RBFOX1: variants seen among roughly 807,000 people sequenced by gnomAD.
The protein encoded by RBFOX1 is RNA binding fox-1 homolog 1.
Under a neutral mutation model 57.7 loss-of-function variants are expected in RBFOX1, and 8 were observed. The ratio of observed to expected loss-of-function variants is 0.14; its 90% CI spans 0.08 to 0.25. The LOEUF (loss-of-function observed/expected upper bound fraction) is 0.25. Ranked by LOEUF, RBFOX1 falls within the 10% of genes least tolerant of loss-of-function variation. The pLI, the probability that RBFOX1 is intolerant of heterozygous loss-of-function variation, is 1.00. For synonymous variants in RBFOX1, 326 were observed against 222.4 expected, an observed-to-expected ratio of 1.47 and a Z score of -4.15; for missense variants, 611 against 548.5, an observed-to-expected ratio of 1.11 and a Z score of -1.14.
chr16:6,863,192 C>G (rs2059316398), intron 3 of RBFOX1, among the ~76,000 whole-genome samples: 1 of 152,042 alleles, frequency 6.6e-6, no homozygotes, highest in Non-Finnish European at 1.5e-5. Flanking sequence ...GCCTGAATTA[C>G]TTTTTGGAAT....
intron 4 of RBFOX1, among the ~76,000 whole-genome samples, chr16:7,316,346 T>C (rs1358723368): frequency 2.6e-5 from 4 of 152,236 alleles, no homozygotes; most frequent in Admixed American, 6.5e-5. Context: ...CTTCCTAACA[T>C]TGCATGATCT....
rs2097630859 is a variant in RBFOX1 at position 6,586,869 on chromosome 16, T to C, written c.-63-67734T>C. Among the ~76,000 whole-genome samples, 5 of 152,328 alleles carry C rather than the reference T, an allele frequency of 3.3e-5. No individual in the cohort carries two copies. The South Asian group carries it at 1.0e-3, about 32-fold the overall frequency. ...GGAAAAGGTTTCTTCAATGAGTCTT[T>C]AAAATATTTAACATTAAAAAATTGA... On this transcript the variant is annotated intron_variant, in intron 2 of 15. Coordinates refer to ENST00000550418, the MANE Select transcript of RBFOX1 (RefSeq NM_018723.4).
At chr16:6,166,747 CAT>C (rs1431312527) in intron 1 of RBFOX1, among the ~76,000 whole-genome samples, 2 of 152,054 alleles carry the variant, frequency 1.3e-5, no homozygotes, top group African/African-American at 4.8e-5. Flanking sequence ...GAGCCTCAGT[CAT>C]GTGCCCAGCC....
chr16:6,903,004 G>T (rs1374561472), intron 3 of RBFOX1, among the ~76,000 whole-genome samples: 1 of 152,158 alleles, frequency 6.6e-6, no homozygotes, highest in Non-Finnish European at 1.5e-5. Flanking sequence ...CACCATGATT[G>T]ATGTGTAACT....
At chr16:7,625,840 T>TATCA (rs2059993942) in intron 10 of RBFOX1, among the ~76,000 whole-genome samples, 1 of 152,230 alleles carries the variant, frequency 6.6e-6, no homozygotes, top group Admixed American at 6.5e-5. Flanking sequence ...CATGGCTGCC[T>TATCA]ATCAGAAACC....
chr16:6,744,601 C>G (rs967767776), intron 3 of RBFOX1, among the ~76,000 whole-genome samples: 10 of 151,726 alleles, frequency 6.6e-5, no homozygotes, highest in Non-Finnish European at 1.5e-4. Context: ...ACCTGTGGAT[C>G]GAAGAGAAAA....
intron 3 of RBFOX1, among the ~76,000 whole-genome samples, chr16:5,618,357 T>A (rs911686360): frequency 7.3e-5 from 11 of 151,482 alleles, no homozygotes; most frequent in Admixed American, 7.2e-4. Context: ...TGTGTGTGTG[T>A]GACAGAGTCT....
rs144950280 is a variant in RBFOX1 at position 6,671,241 on chromosome 16, G to A, written c.-16+16591G>A. 7.8e-3 allele frequency among the ~76,000 whole-genome samples: 1,180 copies of A among 152,230 alleles called. 16 individuals carry two copies. Among genetic ancestry groups the A allele is most frequent in the African/African-American group, 0.027 (1,127 of 41,544 alleles). On this transcript the variant is annotated intron_variant, in intron 3 of 15. Transcript: ENST00000550418. Reference sequence around the variant, plus strand: ...CAACAACCTAAATGCTTAATCTTAAGGTAATGGCTTCTTATGCTCAGCACA... The same window carrying A: ...CAACAACCTAAATGCTTAATCTTAAAGTAATGGCTTCTTATGCTCAGCACA...
rs2097530847 is a variant in RBFOX1 at position 6,239,828 on chromosome 16, TG to T, written c.-126-77166del. 5.9e-5 allele frequency among the ~76,000 whole-genome samples: 9 copies of T among 152,188 alleles called. No individual in the cohort carries two copies. In the South Asian group the frequency reaches 1.9e-3, roughly 32 times the overall value. On this transcript the variant is annotated intron_variant, in intron 1 of 15. Coordinates refer to ENST00000550418, the MANE Select transcript of RBFOX1 (RefSeq NM_018723.4). ...TGACTGTTAAAACATTTTCTTTTTT[TG>T]AATTGATACGACAGACTTTATTGAC... is the stretch of plus-strand genomic sequence containing the variant.
chr16:5,433,957 C>T (rs992858754), intron 1 of RBFOX1, among the ~76,000 whole-genome samples: 46 of 152,064 alleles, frequency 3.0e-4, no homozygotes, highest in African/African-American at 1.1e-3. Context: ...GCTGCATGTT[C>T]GAATCACCTG....
intron 4 of RBFOX1, among the ~76,000 whole-genome samples, chr16:7,171,397 C>G (rs1249563720): frequency 2.6e-5 from 4 of 152,176 alleles, no homozygotes; most frequent in Admixed American, 2.6e-4. Flanking sequence ...ATTCCTGCCA[C>G]CGCTAATGTC....
At chr16:7,039,803 C>T (rs576146260) in intron 3 of RBFOX1, among the ~76,000 whole-genome samples, 24 of 152,240 alleles carry the variant, frequency 1.6e-4, no homozygotes, top group African/African-American at 5.8e-4. Flanking sequence ...ACTCAGGTAT[C>T]TAATAAACAT....
intron 3 of RBFOX1, among the ~76,000 whole-genome samples, chr16:6,777,371 C>G (rs916777864): frequency 6.6e-6 from 1 of 151,822 alleles, no homozygotes; most frequent in Non-Finnish European, 1.5e-5. Context: ...TTTGTGTGTC[C>G]CTGAGAAAGA....
At chr16:6,353,065 A>G (rs1279785930) in intron 2 of RBFOX1, among the ~76,000 whole-genome samples, 1 of 152,110 alleles carries the variant, frequency 6.6e-6, no homozygotes, top group East Asian at 1.9e-4. Flanking sequence ...TTGCCTAAGT[A>G]ACTTCTTCTT....
chr16:7,461,423 C>G (rs182793665), intron 4 of RBFOX1, among the ~76,000 whole-genome samples: 1 of 152,106 alleles, frequency 6.6e-6, no homozygotes, highest in Non-Finnish European at 1.5e-5. Context: ...ACCTTAGCCT[C>G]CCAAAGTGCT....
chr16:7,036,039 T>C (rs999616298), intron 3 of RBFOX1, among the ~76,000 whole-genome samples: 2 of 152,142 alleles, frequency 1.3e-5, no homozygotes, highest in African/African-American at 4.8e-5. Context: ...TTTTGTAAAG[T>C]CATAGAAATC....
intron 3 of RBFOX1, among the ~76,000 whole-genome samples, chr16:6,836,776 T>G (rs1242732281): frequency 6.6e-6 from 1 of 152,316 alleles, no homozygotes; most frequent in Middle Eastern, 3.4e-3. Flanking sequence ...TTACAGAAAT[T>G]TCTAATTTCT....
At chr16:7,381,248 G>A (rs772281838) in intron 4 of RBFOX1, among the ~76,000 whole-genome samples, 6 of 152,116 alleles carry the variant, frequency 3.9e-5, no homozygotes, top group African/African-American at 1.4e-4. Context: ...AGGTGCAAGT[G>A]GAAATTTTTA....
At chr16:7,129,897 C>A (rs2069750164) in intron 4 of RBFOX1, among the ~76,000 whole-genome samples, 2 of 151,854 alleles carry the variant, frequency 1.3e-5, no homozygotes, top group African/African-American at 4.8e-5. Context: ...AATGAATGAC[C>A]CTCTAGATGA....
Sources: gnomAD v4.1 joint callset for allele counts (sites outside exome capture counted in the v4.1 genomes callset) on GRCh38, gnomAD v4.1.1 for gene constraint, MANE v1.5 for transcripts, NCBI Gene and HGNC (gene_info 2026-07-23, HGNC 2026-07-21) for gene names.